Variants in LUZP2 observed in about 807,000 individuals in gnomAD.
LUZP2 encodes leucine zipper protein 2.
In LUZP2, 52 loss-of-function variants were observed where a neutral mutation model predicts 51.6. That is an observed-to-expected ratio of 1.01 (90% CI 0.81 to 1.27). The LOEUF (loss-of-function observed/expected upper bound fraction) is 1.27. LUZP2 is among the 50% of genes most tolerant of loss of function. The probability of loss-of-function intolerance (pLI) is 0.00; values close to 1 mark genes in which losing one functional copy is unlikely to be tolerated. For missense variants in LUZP2, 436 were observed against 395.4 expected (o/e 1.10, Z -0.87); for synonymous variants, 154 against 137.3 (o/e 1.12, Z -0.85).
At chr11:24,753,000 C>A (rs1859649513) in intron 4 of LUZP2, among the ~76,000 whole-genome samples, 2 of 151,730 alleles carry the variant, frequency 1.3e-5, no homozygotes, top group Non-Finnish European at 2.9e-5. Flanking sequence ...AAAGAATTGG[C>A]AACAACATTA....
intron 1 of LUZP2, among the ~76,000 whole-genome samples, chr11:24,514,871 A>G (rs1202876118): frequency 6.6e-6 from 1 of 152,146 alleles, no homozygotes; most frequent in African/African-American, 2.4e-5. Flanking sequence ...TAAATTCACA[A>G]AACTGCTGGT....
Position 25,001,346 on chromosome 11 carries a change from C to A in LUZP2, c.765+18053C>A, listed in dbSNP as rs139384927. Among the ~76,000 whole-genome samples, 94 of 152,292 alleles carry A rather than the reference C, an allele frequency of 6.2e-4. 1 individual carries two copies. In the East Asian group the frequency reaches 0.016, roughly 26 times the overall value. ...TTTAGGAGAGTTTCCTTATCATTTA[C>A]TGAATACCTATTACGTCTTTTTTCC... is the stretch of plus-strand genomic sequence containing the variant. On this transcript the variant is annotated intron_variant, in intron 9 of 11. Transcript: ENST00000336930.
At chr11:24,646,697 T>C (rs1296616017) in intron 1 of LUZP2, 1 of 617,838 alleles carries the variant, frequency 1.6e-6, no homozygotes, top group Non-Finnish European at 2.0e-6. Flanking sequence ...TGCTGATGTC[T>C]CATTGGCCAT....
intron 5 of LUZP2, among the ~76,000 whole-genome samples, chr11:24,887,269 A>C (rs575837214): frequency 1.1e-4 from 17 of 152,168 alleles, no homozygotes; most frequent in Non-Finnish European, 1.8e-4. Flanking sequence ...TAAACAATTC[A>C]AAAGGTTTTC....
intron 5 of LUZP2, among the ~76,000 whole-genome samples, chr11:24,786,850 C>G (rs983150514): frequency 2.0e-5 from 3 of 151,462 alleles, no homozygotes; most frequent in Admixed American, 6.6e-5. Flanking sequence ...TATAGGAAGC[C>G]AAATTTTCAA....
chr11:24,630,707 A>C (rs1854856382), intron 1 of LUZP2, among the ~76,000 whole-genome samples: 1 of 145,340 alleles, frequency 6.9e-6, no homozygotes, highest in African/African-American at 2.5e-5. Context: ...TTCCATACTA[A>C]GTTTAAGATT....
intron 1 of LUZP2, among the ~76,000 whole-genome samples, chr11:24,566,770 G>T (rs1008394770): frequency 2.1e-5 from 3 of 139,982 alleles, no homozygotes; most frequent in African/African-American, 7.9e-5. Context: ...TTATGTATAA[G>T]GTATATATAC....
Position 24,855,938 on chromosome 11 carries a change from A to G in LUZP2, c.397-50053A>G, listed in dbSNP as rs565925773. ...GAAAAATGAAACTATGTATCTTACC[A>G]TATATAAAAATTGACTCAAGATAGA... On this transcript the variant is annotated intron_variant, in intron 5 of 11. Transcript: ENST00000336930. Among the ~76,000 whole-genome samples the G allele has an allele frequency of 5.1e-4, 77 of 152,172 alleles. No individual in the cohort carries two copies. In the South Asian group the frequency reaches 0.011, roughly 23 times the overall value.
At chr11:24,909,864 C>T (rs183022112) in intron 6 of LUZP2, among the ~76,000 whole-genome samples, 35 of 152,110 alleles carry the variant, frequency 2.3e-4, no homozygotes, top group African/African-American at 6.0e-4. Flanking sequence ...AATGTGGAAG[C>T]GACTTTGGAA....
chr11:24,889,490 T>C (rs1169210856), intron 5 of LUZP2, among the ~76,000 whole-genome samples: 1 of 152,224 alleles, frequency 6.6e-6, no homozygotes, highest in African/African-American at 2.4e-5. Context: ...CAAATGATAA[T>C]TGTTTCAGAA....
At chr11:24,795,320 T>C (rs953793423) in intron 5 of LUZP2, among the ~76,000 whole-genome samples, 7 of 152,192 alleles carry the variant, frequency 4.6e-5, no homozygotes, top group Non-Finnish European at 1.0e-4. Context: ...TGGCAAATGG[T>C]CAGCATTGCA....
intron 10 of LUZP2, among the ~76,000 whole-genome samples, chr11:25,069,580 T>C (rs1413911083): frequency 1.3e-5 from 2 of 151,786 alleles, no homozygotes; most frequent in Non-Finnish European, 2.9e-5. Context: ...TGTGTGTGGG[T>C]GTATAAACTA....
chr11:24,708,431 C>T (rs1857686547), intron 1 of LUZP2, among the ~76,000 whole-genome samples: 1 of 152,062 alleles, frequency 6.6e-6, no homozygotes, highest in Admixed American at 6.6e-5. Flanking sequence ...CTTTTCTCCC[C>T]ACATTTTTAA....
At position 24,983,133 on chromosome 11, in the gene LUZP2, A is replaced by G; in HGVS notation, c.605A>G (p.Gln202Arg). 6.2e-7 allele frequency: 1 copy of G among 1,610,890 alleles called. No individual in the cohort carries two copies. The highest frequency in any genetic ancestry group is 8.5e-7 in the Non-Finnish European group (1 of 1,178,286). The part of the protein sequence containing the change: ...LEKAALDRES[Q>R]MKAMKETVQL... ...ATGCCTCTTTTTTTGTAGGAGTCAC[A>G]GATGAAAGCAATGAAAGAGACTGTG... Residue 202 changes from glutamine (Q) to arginine (R), a missense_variant, in exon 9 of 12, where the codon CAG (glutamine) becomes CGG (arginine). By Grantham distance (43) the Gln-to-Arg change is conservative. Transcript: ENST00000336930.
intron 5 of LUZP2, among the ~76,000 whole-genome samples, chr11:24,769,847 CA>C (rs1258335164): frequency 2.7e-5 from 4 of 150,856 alleles, no homozygotes; most frequent in African/African-American, 9.9e-5. Flanking sequence ...GGCTGGAGTG[CA>C]GTGGCACCAT....
At chr11:24,995,801 T>A (rs748391741) in intron 9 of LUZP2, among the ~76,000 whole-genome samples, 15 of 152,030 alleles carry the variant, frequency 9.9e-5, no homozygotes, top group Non-Finnish European at 1.8e-4. Flanking sequence ...AATTGAAAGG[T>A]CAATGGTTTG....
At chr11:24,743,256 T>C (rs1049069700) in intron 4 of LUZP2, among the ~76,000 whole-genome samples, 5 of 152,138 alleles carry the variant, frequency 3.3e-5, no homozygotes, top group African/African-American at 1.2e-4. Flanking sequence ...GGGGATTGTG[T>C]TGAATTTATA....
intron 9 of LUZP2, among the ~76,000 whole-genome samples, chr11:25,006,202 T>G (rs1856831048): frequency 6.6e-6 from 1 of 152,052 alleles, no homozygotes; most frequent in African/African-American, 2.4e-5. Flanking sequence ...TAGAAATCAT[T>G]CTTACAGGAG....
At chr11:24,927,494 G>T (rs1185013221) in intron 7 of LUZP2, among the ~76,000 whole-genome samples, 1 of 151,524 alleles carries the variant, frequency 6.6e-6, no homozygotes. Flanking sequence ...TGTATATTAG[G>T]GTGTCCTTTC....
Sources: allele counts gnomAD v4.1 joint callset (sites outside exome capture counted in the v4.1 genomes callset), GRCh38; gene constraint gnomAD v4.1.1; transcripts MANE v1.5; gene names NCBI Gene and HGNC (gene_info 2026-07-23, HGNC 2026-07-21).